FHIT: variants seen among roughly 807,000 people sequenced by gnomAD.
The protein encoded by FHIT is bis(5'-adenosyl)-triphosphatase.
Under a neutral mutation model 17.9 loss-of-function variants are expected in FHIT, and 19 were observed. The observed-to-expected ratio is 1.06, with a 90% confidence interval of 0.74 to 1.56. FHIT has a LOEUF of 1.56. Among genes scored for constraint, FHIT ranks in the 40% most tolerant of loss-of-function variants. The pLI is 0.00. For missense variants in FHIT, 248 were observed against 189.2 expected (o/e 1.31, Z -1.82); for synonymous variants, 81 against 69.7 (o/e 1.16, Z -0.81).
intron 8 of FHIT, among the ~76,000 whole-genome samples, chr3:59,902,875 A>G (rs1394073926): frequency 6.6e-6 from 1 of 152,230 alleles, no homozygotes; most frequent in Admixed American, 6.5e-5. Context: ...AATGTCTGGC[A>G]TGGTGACTAA....
intron 8 of FHIT, among the ~76,000 whole-genome samples, chr3:59,790,490 T>TTCTCTCTCTCTCTTTCTCTCTC (rs1699501114): frequency 6.8e-6 from 1 of 147,950 alleles, no homozygotes; most frequent in Non-Finnish European, 1.5e-5. Flanking sequence ...TGTTCATTGC[T>TTCTCTCTCTCTCTTTCTCTCTC]TCTCTCTCTC....
intron 5 of FHIT, among the ~76,000 whole-genome samples, chr3:60,134,312 C>T (rs1359387929): frequency 6.6e-6 from 1 of 152,098 alleles, no homozygotes; most frequent in African/African-American, 2.4e-5. Flanking sequence ...GTCACTTAGT[C>T]GCAGAGACAT....
chr3:59,902,140 G>C (rs565531776), intron 8 of FHIT, among the ~76,000 whole-genome samples: 1 of 152,060 alleles, frequency 6.6e-6, no homozygotes, highest in Non-Finnish European at 1.5e-5. Flanking sequence ...AATGAGCAAC[G>C]GACCCGCATG....
At chr3:60,825,122 A>G (rs1702068310) in intron 3 of FHIT, among the ~76,000 whole-genome samples, 1 of 152,230 alleles carries the variant, frequency 6.6e-6, no homozygotes, top group Non-Finnish European at 1.5e-5. Flanking sequence ...ATGAATTGGT[A>G]TATTATTCTA....
At chr3:60,468,911 C>T (rs1472928020) in intron 5 of FHIT, among the ~76,000 whole-genome samples, 1 of 152,052 alleles carries the variant, frequency 6.6e-6, no homozygotes, top group Non-Finnish European at 1.5e-5. Context: ...CCTAAATATA[C>T]ATGTTTGAAG....
intron 5 of FHIT, among the ~76,000 whole-genome samples, chr3:60,252,728 T>C (rs191766979): frequency 0.011 from 1,672 of 152,040 alleles, 26 homozygotes; most frequent in African/African-American, 0.039. Flanking sequence ...CGGTGGCTCA[T>C]GCCTGTAATC....
intron 7 of FHIT, among the ~76,000 whole-genome samples, chr3:59,999,174 TC>T: frequency 6.6e-6 from 1 of 152,152 alleles, no homozygotes; most frequent in Non-Finnish European, 1.5e-5. Context: ...TAGCACTCCC[TC>T]CCTGGGAGAG....
intron 3 of FHIT, among the ~76,000 whole-genome samples, chr3:60,885,785 G>C (rs1705195644): frequency 6.6e-6 from 1 of 152,004 alleles, no homozygotes; most frequent in African/African-American, 2.4e-5. Flanking sequence ...TTGCAAGGTG[G>C]GCTCTTGCTT....
At chr3:60,545,315 T>A (rs1479653547) in intron 4 of FHIT, among the ~76,000 whole-genome samples, 1 of 152,194 alleles carries the variant, frequency 6.6e-6, no homozygotes, top group Non-Finnish European at 1.5e-5. Flanking sequence ...ATAATGAACT[T>A]CTGGTTCTTT....
chr3:60,436,138 C>G (rs563431151), intron 5 of FHIT, among the ~76,000 whole-genome samples: 6 of 152,206 alleles, frequency 3.9e-5, no homozygotes, highest in Admixed American at 2.6e-4. Context: ...ACCTCTGCCT[C>G]CTGGGCTCAA....
At chr3:60,361,067 T>G (rs1171229427) in intron 5 of FHIT, among the ~76,000 whole-genome samples, 1 of 152,216 alleles carries the variant, frequency 6.6e-6, no homozygotes, top group Non-Finnish European at 1.5e-5. Context: ...GATGGCTCCC[T>G]GTTTCCTACT....
At chr3:60,222,069 T>C (rs544546607) in intron 5 of FHIT, among the ~76,000 whole-genome samples, 3 of 152,260 alleles carry the variant, frequency 2.0e-5, no homozygotes, top group South Asian at 2.1e-4. Flanking sequence ...CAAAAATTAT[T>C]GGGCATGGAC....
At chr3:60,316,035 A>G (rs886256362) in intron 5 of FHIT, among the ~76,000 whole-genome samples, 7 of 152,146 alleles carry the variant, frequency 4.6e-5, no homozygotes, top group South Asian at 2.1e-4. Flanking sequence ...ATTGTTCTCA[A>G]TGATGTCTAC....
chr3:60,957,312 A>C (rs1709216567), intron 3 of FHIT, among the ~76,000 whole-genome samples: 1 of 137,086 alleles, frequency 7.3e-6, no homozygotes, highest in Non-Finnish European at 1.5e-5. Context: ...ATCTCAGCTC[A>C]CTGCAACCTC....
chr3:60,941,401 T>A (rs1436144541), intron 3 of FHIT, among the ~76,000 whole-genome samples: 1 of 74,786 alleles, frequency 1.3e-5, no homozygotes, highest in Non-Finnish European at 2.7e-5. Flanking sequence ...CCATTCCAGA[T>A]AAGTCCAACA....
chr3:61,187,225 G>A (rs2038544153), intron 2 of FHIT, among the ~76,000 whole-genome samples: 1 of 152,066 alleles, frequency 6.6e-6, no homozygotes, highest in African/African-American at 2.4e-5. Context: ...AGGAACTAAG[G>A]AACTAATGAT....
rs186915280 is a variant in FHIT, at chr3:60,291,678, A to G, written c.103+245182T>C. On this transcript the variant is annotated intron_variant, in intron 5 of 9. Transcript: ENST00000492590. Reference sequence around the variant, plus strand: ...TGCTGAGAACTCTTTTACCCTTACTATCTGCTTAAATAATTTCTTTCCACT... The same window carrying G: ...TGCTGAGAACTCTTTTACCCTTACTGTCTGCTTAAATAATTTCTTTCCACT... 7.4e-4 allele frequency among the ~76,000 whole-genome samples: 113 copies of G among 152,244 alleles called. 2 individuals carry two copies. In the East Asian group the frequency reaches 0.015, roughly 20 times the overall value.
chr3:61,238,017 A>G lies in FHIT; in HGVS notation c.-213+13284T>C, dbSNP rs369684477. On this transcript the variant is annotated intron_variant, in intron 1 of 9. Coordinates refer to ENST00000492590, the MANE Select transcript of FHIT (RefSeq NM_002012.4). ...AGACTTTCAGATCTTGATGGCTATG[A>G]TGAGTCACACCTCATTTTGTTTATC... 3.9e-4 allele frequency among the ~76,000 whole-genome samples: 59 copies of G among 152,320 alleles called. 1 individual carries two copies. In the South Asian group the frequency reaches 0.012, roughly 31 times the overall value.
At position 60,013,878 on chromosome 3, in the gene FHIT, C is replaced by CT. The variant is rs201910147; in HGVS notation, c.249+128dup. 2,286 of 969,120 alleles carry CT rather than the reference C, an allele frequency of 2.4e-3. 46 individuals are homozygous for CT. The African/African-American group carries it at 0.033, about 14-fold the overall frequency. The allele number at this position is 969,120 out of a possible 1,614,324, so 60.0% of individuals were successfully genotyped here. A position where few individuals can be genotyped will look rare whatever the true frequency, so the allele number is the denominator to read the frequency against. Reference sequence around the variant, plus strand: ...TAGGGTTGCCCTGCATTAGAAATCTCTTTTTTTGGCTGCTACCTAAAATAC... The same window carrying CT: ...TAGGGTTGCCCTGCATTAGAAATCTCTTTTTTTTGGCTGCTACCTAAAATAC... On this transcript the variant is annotated intron_variant, in intron 6 of 9. Coordinates refer to ENST00000492590, the MANE Select transcript of FHIT (RefSeq NM_002012.4).
Sources: gnomAD v4.1 joint callset for allele counts (sites outside exome capture counted in the v4.1 genomes callset) on GRCh38, gnomAD v4.1.1 for gene constraint, MANE v1.5 for transcripts, NCBI Gene and HGNC (gene_info 2026-07-23, HGNC 2026-07-21) for gene names.